Variants in GRAP2 observed in about 807,000 individuals in gnomAD.
GRAP2 encodes GRB2-related adapter protein 2.
In GRAP2, 31 loss-of-function variants were observed where a neutral mutation model predicts 43.5. That is an observed-to-expected ratio of 0.71 (90% CI 0.54 to 0.96). GRAP2 has a LOEUF of 0.96. Ranked by LOEUF, GRAP2 falls within the 40% of genes least tolerant of loss-of-function variation. The pLI is 0.00. For synonymous variants in GRAP2, 156 were observed against 164.8 expected, an observed-to-expected ratio of 0.95 and a Z score of 0.41; for missense variants, 371 against 424.4, an observed-to-expected ratio of 0.87 and a Z score of 1.11.
intron 1 of GRAP2, among the ~76,000 whole-genome samples, chr22:39,926,128 T>C (rs1325754573): frequency 6.6e-6 from 1 of 152,256 alleles, no homozygotes; most frequent in Non-Finnish European, 1.5e-5. Context: ...ACTCAGCATC[T>C]AGCACGGTGC....
chr22:39,940,358 G>T (rs2066854840), intron 1 of GRAP2, among the ~76,000 whole-genome samples: 2 of 150,146 alleles, frequency 1.3e-5, no homozygotes, highest in East Asian at 3.9e-4. Context: ...TCTTGGTGAG[G>T]CCCAGCCTGT....
intron 1 of GRAP2, among the ~76,000 whole-genome samples, chr22:39,942,223 A>G (rs917577541): frequency 1.8e-4 from 28 of 152,158 alleles, no homozygotes; most frequent in Middle Eastern, 3.2e-3. Flanking sequence ...TGGCAGTATA[A>G]GGTTTCCTAC....
intron 5 of GRAP2, among the ~76,000 whole-genome samples, chr22:39,967,780 G>T (rs2067190204): frequency 6.6e-6 from 1 of 152,176 alleles, no homozygotes; most frequent in Non-Finnish European, 1.5e-5. Flanking sequence ...CCCTGGAAAT[G>T]GACTAAATGG....
chr22:39,901,341 A>G lies in GRAP2; in HGVS notation c.-15+11A>G, dbSNP rs1171512813. On this transcript the variant is annotated intron_variant, in intron 1 of 7. Transcript: ENST00000344138. Reference sequence around the variant, plus strand: ...CTTCTCTTCCAAAAGGTATGTCATTATACAACATCTGTACATATACTCTAG... The same window carrying G: ...CTTCTCTTCCAAAAGGTATGTCATTGTACAACATCTGTACATATACTCTAG... 6 of 997,584 alleles carry G rather than the reference A, an allele frequency of 6.0e-6. No homozygotes were observed. Among genetic ancestry groups the G allele is most frequent in the South Asian group, 2.7e-5 (2 of 75,024 alleles). The allele number at this position is 997,584 out of a possible 1,614,324, so 61.8% of individuals were successfully genotyped here.
At chr22:39,962,125 A>T (rs906402781) in intron 4 of GRAP2, among the ~76,000 whole-genome samples, 2 of 152,254 alleles carry the variant, frequency 1.3e-5, no homozygotes, top group African/African-American at 4.8e-5. Context: ...CTCCATTAAC[A>T]TATATTACAA....
chr22:39,967,919 C>G, intron 5 of GRAP2, 123 bp from the exon 6 acceptor site: 2 of 1,248,250 alleles, frequency 1.6e-6, no homozygotes, highest in Middle Eastern at 2.1e-4. Context: ...TAGCTGCCCC[C>G]ACCCCACCAG....
chr22:39,955,454 T>C (rs80400), intron 2 of GRAP2, among the ~76,000 whole-genome samples: 125,135 of 151,962 alleles, frequency 0.82, 52,180 homozygotes, highest in African/African-American at 0.9. Flanking sequence ...TTCTTCCTTC[T>C]CACCATCTGC....
chr22:39,954,370 T>G (rs1040434281), intron 2 of GRAP2, among the ~76,000 whole-genome samples: 2 of 152,178 alleles, frequency 1.3e-5, no homozygotes, highest in Non-Finnish European at 2.9e-5. Flanking sequence ...TTATTTAGAA[T>G]TATTGTTCTA....
At chr22:39,931,439 A>G (rs1332575241) in intron 1 of GRAP2, among the ~76,000 whole-genome samples, 1 of 152,238 alleles carries the variant, frequency 6.6e-6, no homozygotes, top group Admixed American at 6.5e-5. Context: ...GGTTCCAGGA[A>G]GAGACAAGGT....
intron 1 of GRAP2, among the ~76,000 whole-genome samples, chr22:39,912,393 G>T (rs2066573352): frequency 6.6e-6 from 1 of 152,220 alleles, no homozygotes; most frequent in African/African-American, 2.4e-5. Flanking sequence ...ACTCCATCCA[G>T]CCTGGGTGAC....
intron 4 of GRAP2, 78 bp from the exon 5 acceptor site, chr22:39,965,912 C>T (rs979715715): frequency 1.3e-5 from 15 of 1,178,370 alleles, no homozygotes; most frequent in Middle Eastern, 1.9e-4. Flanking sequence ...AGAACTCCAC[C>T]ATCCCAGATG....
chr22:39,909,755 G>A (rs2066546753), intron 1 of GRAP2, among the ~76,000 whole-genome samples: 1 of 152,208 alleles, frequency 6.6e-6, no homozygotes, highest in Non-Finnish European at 1.5e-5. Flanking sequence ...AACAGCTCAA[G>A]ATGGAGATTT....
At chr22:39,920,714 C>T (rs1379145032) in intron 1 of GRAP2, among the ~76,000 whole-genome samples, 2 of 152,078 alleles carry the variant, frequency 1.3e-5, no homozygotes, top group African/African-American at 4.8e-5. Context: ...TCTCCAACCC[C>T]CAGAGTAAGT....
chr22:39,946,105 C>T (rs532195358), intron 1 of GRAP2, among the ~76,000 whole-genome samples: 1 of 152,350 alleles, frequency 6.6e-6, no homozygotes, highest in Admixed American at 6.5e-5. Context: ...AGGTGATCTG[C>T]CCGCCTCGAC....
Position 39,940,652 on chromosome 22 carries a change from A to G in GRAP2, c.-14-6441A>G, listed in dbSNP as rs550984556. 4.6e-5 allele frequency among the ~76,000 whole-genome samples: 7 copies of G among 152,252 alleles called. No homozygotes were observed. In the South Asian group the frequency reaches 8.3e-4, roughly 18 times the overall value. The stretch of plus-strand genomic sequence containing the variant: ...AGAATAACACACAGTAGGGGTTTCA[A>G]TACAGGATCATTAACCCAGAATCCA... On this transcript the variant is annotated intron_variant, in intron 1 of 7. Coordinates refer to ENST00000344138, the MANE Select transcript of GRAP2 (RefSeq NM_004810.4).
At chr22:39,930,587 C>T (rs2066746872) in intron 1 of GRAP2, among the ~76,000 whole-genome samples, 1 of 152,250 alleles carries the variant, frequency 6.6e-6, no homozygotes, top group Non-Finnish European at 1.5e-5. Flanking sequence ...GCCAAGACTA[C>T]TGCGATGCTT....
At chr22:39,903,742 G>A (rs542966422) in intron 1 of GRAP2, among the ~76,000 whole-genome samples, 123 of 152,218 alleles carry the variant, frequency 8.1e-4, no homozygotes, top group African/African-American at 2.9e-3. Context: ...CTCCCAAAGT[G>A]TTGGGATTAC....
Position 39,968,603 on chromosome 22 carries a change from T to C in GRAP2, c.690+331T>C, listed in dbSNP as rs1263021637. On this transcript the variant is annotated intron_variant, in intron 6 of 7. Coordinates refer to ENST00000344138, the MANE Select transcript of GRAP2 (RefSeq NM_004810.4). ...AAATCTATTCATGCCCCTTAGCCCATCTGGCTGTCAGATCCACAAGAGAAA... is the reference window on the plus strand; with the variant it reads ...AAATCTATTCATGCCCCTTAGCCCACCTGGCTGTCAGATCCACAAGAGAAA... 2.2e-5 allele frequency: 8 copies of C among 371,376 alleles called. No individual in the cohort carries two copies. In the Admixed American group the frequency reaches 3.1e-4, roughly 14 times the overall value. The allele number at this position is 371,376 out of a possible 1,614,324, so 23.0% of individuals were successfully genotyped here.
intron 7 of GRAP2, among the ~76,000 whole-genome samples, 192 bp from the exon 8 acceptor site, chr22:39,970,712 AG>A (rs2067231612): frequency 6.6e-6 from 1 of 152,172 alleles, no homozygotes; most frequent in Non-Finnish European, 1.5e-5. Flanking sequence ...CTTGAGGCCA[AG>A]GGTTCAAAAC....
Sources: gnomAD v4.1 joint callset for allele counts (sites outside exome capture counted in the v4.1 genomes callset) on GRCh38, gnomAD v4.1.1 for gene constraint, MANE v1.5 for transcripts, NCBI Gene and HGNC (gene_info 2026-07-23, HGNC 2026-07-21) for gene names.